Variants in ROBO2 observed in about 807,000 individuals in gnomAD.
The protein encoded by ROBO2 is roundabout guidance receptor 2.
In ROBO2, 53 loss-of-function variants were observed where a neutral mutation model predicts 160.8. That is an observed-to-expected ratio of 0.33 (90% CI 0.26 to 0.41). The LOEUF is 0.41. Ranked by LOEUF, ROBO2 falls within the 10% of genes least tolerant of loss-of-function variation. The probability of loss-of-function intolerance (pLI) is 1.00; values close to 1 mark genes in which losing one functional copy is unlikely to be tolerated. For synonymous variants in ROBO2, 664 were observed against 611.7 expected (o/e 1.09, Z -1.26); for missense variants, 1,577 against 1,722.4 (o/e 0.92, Z 1.49).
intron 15 of ROBO2, 44 bp downstream of exon 16, chr3:77,577,658 C>A: frequency 6.2e-7 from 1 of 1,610,142 alleles, no homozygotes; most frequent in South Asian, 1.1e-5. Context: ...TAAAGGTTCC[C>A]AGAGAAATCT....
chr3:76,717,222 G>A (rs988910701), intron 2 of ROBO2, among the ~76,000 whole-genome samples: 3 of 152,094 alleles, frequency 2.0e-5, no homozygotes, highest in Non-Finnish European at 2.9e-5. Flanking sequence ...GGCTGGGCAC[G>A]GTGGCTCACG....
chr3:76,471,252 G>T (rs1235136695), intron 2 of ROBO2, among the ~76,000 whole-genome samples: 1 of 152,148 alleles, frequency 6.6e-6, no homozygotes, highest in Non-Finnish European at 1.5e-5. Context: ...AATCCTTGCT[G>T]AATAACTGGA....
chr3:76,855,863 T>G (rs1452000813), intron 2 of ROBO2, among the ~76,000 whole-genome samples: 1 of 152,208 alleles, frequency 6.6e-6, no homozygotes, highest in Non-Finnish European at 1.5e-5. Flanking sequence ...ATATTTGGTA[T>G]GAGCCAGAAA....
chr3:76,971,405 G>A (rs1383075452), intron 2 of ROBO2, among the ~76,000 whole-genome samples: 2 of 152,088 alleles, frequency 1.3e-5, no homozygotes, highest in African/African-American at 4.8e-5. Flanking sequence ...GGCTAACCCT[G>A]TATAAACTAC....
At chr3:76,326,565 A>T (rs1201080576) in intron 2 of ROBO2, among the ~76,000 whole-genome samples, 1 of 152,202 alleles carries the variant, frequency 6.6e-6, no homozygotes, top group Non-Finnish European at 1.5e-5. Context: ...TAATGCATAT[A>T]CCGAATGAAA....
At chr3:76,717,063 T>G (rs2093391362) in intron 2 of ROBO2, among the ~76,000 whole-genome samples, 1 of 152,228 alleles carries the variant, frequency 6.6e-6, no homozygotes, top group African/African-American at 2.4e-5. Context: ...AGGTGATATC[T>G]GGCGTAAGTT....
chr3:76,134,244 A>T (rs2071341412), intron 2 of ROBO2, among the ~76,000 whole-genome samples: 1 of 151,216 alleles, frequency 6.6e-6, no homozygotes, highest in Admixed American at 6.6e-5. Context: ...TCTTTTCTTT[A>T]TTTCAAATTC....
intron 2 of ROBO2, among the ~76,000 whole-genome samples, chr3:76,811,812 TCC>T (rs2065190456): frequency 1.4e-5 from 1 of 72,426 alleles, no homozygotes; most frequent in Non-Finnish European, 3.0e-5. Context: ...CTTCCTTCCT[TCC>T]TTCCTTCCTT....
chr3:75,958,455 A>T (rs1948794281), intron 2 of ROBO2, among the ~76,000 whole-genome samples: 1 of 151,818 alleles, frequency 6.6e-6, no homozygotes, highest in Non-Finnish European at 1.5e-5. Context: ...ATACAACTTT[A>T]AATTGGATAT....
At chr3:76,329,230 G>A (rs1205538664) in intron 2 of ROBO2, among the ~76,000 whole-genome samples, 1 of 152,102 alleles carries the variant, frequency 6.6e-6, no homozygotes, top group South Asian at 2.1e-4. Flanking sequence ...TTGTTGTTTT[G>A]TTTTTTGAGA....
At chr3:76,643,787 A>T (rs1438845973) in intron 2 of ROBO2, among the ~76,000 whole-genome samples, 1 of 152,138 alleles carries the variant, frequency 6.6e-6, no homozygotes, top group South Asian at 2.1e-4. Context: ...AAGTAAATAG[A>T]ATTTATGGCT....
intron 2 of ROBO2, among the ~76,000 whole-genome samples, chr3:77,412,207 TA>T (rs2076861718): frequency 6.6e-6 from 1 of 152,206 alleles, no homozygotes; most frequent in African/African-American, 2.4e-5. Context: ...GTAGGTTCTT[TA>T]ATCCACATCC....
intron 8 of ROBO2, among the ~76,000 whole-genome samples, chr3:77,554,224 G>T (rs1038674278): frequency 6.6e-6 from 1 of 151,458 alleles, no homozygotes; most frequent in Non-Finnish European, 1.5e-5. Context: ...TTTACCTACC[G>T]AAATATTTTA....
intron 23 of ROBO2, among the ~76,000 whole-genome samples, chr3:77,626,456 A>G (rs2095029397): frequency 6.6e-6 from 1 of 152,224 alleles, no homozygotes; most frequent in Non-Finnish European, 1.5e-5. Context: ...CAACATATTT[A>G]TTTATTGCAG....
intron 6 of ROBO2, among the ~76,000 whole-genome samples, chr3:77,533,289 A>G (rs2091881269): frequency 6.6e-6 from 1 of 152,100 alleles, no homozygotes; most frequent in Non-Finnish European, 1.5e-5. Flanking sequence ...CTGCTTCATA[A>G]TAAGGATGGT....
intron 2 of ROBO2, among the ~76,000 whole-genome samples, chr3:77,118,819 T>A (rs563931022): frequency 6.0e-4 from 91 of 152,320 alleles, no homozygotes; most frequent in Non-Finnish European, 1.3e-3. Context: ...TACACAAACC[T>A]AGATGGCATA....
At chr3:76,461,157 A>T (rs937309009) in intron 2 of ROBO2, among the ~76,000 whole-genome samples, 2 of 152,192 alleles carry the variant, frequency 1.3e-5, no homozygotes, top group Non-Finnish European at 2.9e-5. Context: ...GAAACTTATA[A>T]TCATGGCAGA....
At chr3:77,126,019 A>C (rs2075286806) in intron 2 of ROBO2, among the ~76,000 whole-genome samples, 1 of 152,198 alleles carries the variant, frequency 6.6e-6, no homozygotes, top group South Asian at 2.1e-4. Context: ...CACACATTTG[A>C]CCCTAAATGA....
intron 2 of ROBO2, among the ~76,000 whole-genome samples, chr3:76,313,826 C>A (rs1413272945): frequency 6.6e-6 from 1 of 152,004 alleles, no homozygotes; most frequent in African/African-American, 2.4e-5. Context: ...CATATGGCAA[C>A]CTGCTCACCT....
Sources: gnomAD v4.1 joint callset for allele counts (sites outside exome capture counted in the v4.1 genomes callset) on GRCh38, gnomAD v4.1.1 for gene constraint, MANE v1.5 for transcripts, NCBI Gene and HGNC (gene_info 2026-07-23, HGNC 2026-07-21) for gene names.